The following COL25A1 variants were observed in gnomAD, a reference collection of about 807,000 sequenced individuals.
COL25A1 encodes collagen alpha-1(XXV) chain.
COL25A1 carries 103 observed loss-of-function variants against 128.4 expected under a neutral mutation model. That is an observed-to-expected ratio of 0.80 (90% CI 0.68 to 0.94). COL25A1 has a LOEUF of 0.94. Among genes scored for constraint, COL25A1 ranks in the 40% least tolerant of loss-of-function variants. The probability of loss-of-function intolerance (pLI) is 0.00; values close to 1 mark genes in which losing one functional copy is unlikely to be tolerated. For synonymous variants in COL25A1, 279 were observed against 277.2 expected (o/e 1.01, Z -0.06); for missense variants, 745 against 840.0 (o/e 0.89, Z 1.40).
chr4:108,922,502 C>T (rs944113969), intron 11 of COL25A1, among the ~76,000 whole-genome samples: 10 of 151,918 alleles, frequency 6.6e-5, no homozygotes, highest in Admixed American at 2.6e-4. Context: ...TTTCATCACA[C>T]GGATATATAA....
At chr4:109,073,188 G>C (rs1763120083) in intron 3 of COL25A1, among the ~76,000 whole-genome samples, 1 of 152,164 alleles carries the variant, frequency 6.6e-6, no homozygotes, top group Admixed American at 6.5e-5. Context: ...TGGTTGTCAG[G>C]AGGGGAGGCA....
At chr4:109,200,963 T>C (rs1368238554) in intron 3 of COL25A1, among the ~76,000 whole-genome samples, 3 of 152,204 alleles carry the variant, frequency 2.0e-5, no homozygotes, top group Non-Finnish European at 4.4e-5. Context: ...GGTTACTTGA[T>C]ATATATATCT....
chr4:109,302,115 TC>T, intron 1 of COL25A1, 40 bp from the exon 2 acceptor site: 1 of 1,411,984 alleles, frequency 7.1e-7, no homozygotes, highest in Non-Finnish European at 9.3e-7. Flanking sequence ...CAAAGTTCAG[TC>T]CCTGTGGCTG....
intron 18 of COL25A1, among the ~76,000 whole-genome samples, chr4:108,886,492 G>GTGTGTGTGTGTGTGTGTGTGTTTT (rs58157157): frequency 9.2e-6 from 1 of 109,248 alleles, no homozygotes; most frequent in East Asian, 2.5e-4. Flanking sequence ...GTGTGTGTGT[G>GTGTGTGTGTGTGTGTGTGTGTTTT]TTTAGCTCAT....
chr4:109,290,229 A>C (rs1352232242), intron 3 of COL25A1, among the ~76,000 whole-genome samples: 1 of 152,128 alleles, frequency 6.6e-6, no homozygotes, highest in Non-Finnish European at 1.5e-5. Context: ...TCTCCATTCA[A>C]GGGCATTTTT....
intron 19 of COL25A1, among the ~76,000 whole-genome samples, chr4:108,880,850 G>C (rs1026728758): frequency 1.3e-5 from 2 of 152,174 alleles, no homozygotes; most frequent in Non-Finnish European, 2.9e-5. Flanking sequence ...TAAGTGTAGA[G>C]AGCAAAGCCT....
At chr4:109,196,024 G>A (rs892840915) in intron 3 of COL25A1, among the ~76,000 whole-genome samples, 3 of 152,302 alleles carry the variant, frequency 2.0e-5, no homozygotes, top group South Asian at 4.1e-4. Context: ...CAACAGAAGC[G>A]AAGAAGGTAA....
chr4:108,855,192 T>TTTTG (rs1553951514), intron 24 of COL25A1, among the ~76,000 whole-genome samples: 4,799 of 16,438 alleles, frequency 0.29, 273 homozygotes, highest in African/African-American at 0.41. Context: ...GTTGTTACTG[T>TTTTG]TTTTTTTTTT....
chr4:109,083,456 T>TAA lies in COL25A1; in HGVS notation c.368-33278_368-33277insTT, dbSNP rs1167231589. ...ACTTTTACACTAAATAAATTTTTTT[T>TAA]TTTTTTTTTTTTTTTTTTTTTTTTG... On this transcript the variant is annotated intron_variant, in intron 3 of 37. Coordinates refer to ENST00000399132, the MANE Select transcript of COL25A1 (RefSeq NM_198721.4). Among the ~76,000 whole-genome samples, 11 of 118,520 alleles carry TAA rather than the reference T, an allele frequency of 9.3e-5. 1 individual carries two copies. Among genetic ancestry groups the TAA allele is most frequent in the East Asian group, 7.2e-4 (2 of 2,792 alleles). 77.8% of individuals were successfully genotyped at this position (118,520 alleles called of 152,430 possible). A position where few individuals can be genotyped will look rare whatever the true frequency, so the allele number is the denominator to read the frequency against.
intron 6 of COL25A1, among the ~76,000 whole-genome samples, chr4:109,006,319 C>G (rs1404306296): frequency 1.3e-5 from 2 of 149,890 alleles, no homozygotes; most frequent in Non-Finnish European, 2.9e-5. Flanking sequence ...TCAAGCGGTT[C>G]TCCTGCCTCA....
intron 3 of COL25A1, among the ~76,000 whole-genome samples, chr4:109,267,440 G>A (rs1781868057): frequency 6.6e-6 from 1 of 151,940 alleles, no homozygotes; most frequent in African/African-American, 2.4e-5. Flanking sequence ...ATCTAAAAAA[G>A]AAAAACAAAC....
intron 8 of COL25A1, among the ~76,000 whole-genome samples, chr4:108,972,140 G>A (rs1328281607): frequency 6.6e-6 from 1 of 152,092 alleles, no homozygotes; most frequent in Admixed American, 6.6e-5. Flanking sequence ...CTGACAAAGA[G>A]CTGACATGAT....
Position 109,243,885 on chromosome 4 carries a change from T to C in COL25A1, c.367+56698A>G, listed in dbSNP as rs748489423. Among the ~76,000 whole-genome samples the C allele has an allele frequency of 2.6e-5, 4 of 152,092 alleles. No homozygotes were observed. In the East Asian group the frequency reaches 5.8e-4, roughly 22 times the overall value. On this transcript the variant is annotated intron_variant, in intron 3 of 37. Coordinates refer to ENST00000399132, the MANE Select transcript of COL25A1 (RefSeq NM_198721.4). The stretch of plus-strand genomic sequence containing the variant: ...CCCTTCTATACCTATAAAATCTATG[T>C]TTTTTGAGTGAGTTTCTCTTGCATC...
At chr4:109,093,825 A>C (rs1765165981) in intron 3 of COL25A1, among the ~76,000 whole-genome samples, 1 of 152,192 alleles carries the variant, frequency 6.6e-6, no homozygotes, top group African/African-American at 2.4e-5. Flanking sequence ...TTTGGATGAC[A>C]ACATTTTGTT....
At chr4:108,834,419 G>A (rs1353503474) in intron 31 of COL25A1, 34 of 1,549,526 alleles carry the variant, frequency 2.2e-5, no homozygotes, top group Non-Finnish European at 2.8e-5. Context: ...AGCAGGGTTG[G>A]TGGGTGTAAC....
At chr4:109,271,399 A>G (rs904332322) in intron 3 of COL25A1, among the ~76,000 whole-genome samples, 2 of 152,214 alleles carry the variant, frequency 1.3e-5, no homozygotes, top group African/African-American at 4.8e-5. Context: ...TTGACCTTAA[A>G]TAAGCAGCTA....
intron 3 of COL25A1, among the ~76,000 whole-genome samples, chr4:109,232,072 G>A (rs553218582): frequency 7.2e-5 from 11 of 152,086 alleles, no homozygotes; most frequent in Non-Finnish European, 1.5e-4. Context: ...TATGACTGTC[G>A]TTGATTTCAG....
intron 3 of COL25A1, among the ~76,000 whole-genome samples, chr4:109,088,195 T>C (rs186523753): frequency 6.6e-6 from 1 of 152,246 alleles, no homozygotes; most frequent in Non-Finnish European, 1.5e-5. Flanking sequence ...AGAAAGTTGA[T>C]ACAGTTTAGA....
chr4:109,155,003 A>G (rs1229731811), intron 3 of COL25A1, among the ~76,000 whole-genome samples: 1 of 152,086 alleles, frequency 6.6e-6, no homozygotes, highest in Non-Finnish European at 1.5e-5. Context: ...CCTCCCATAT[A>G]TTTGGATCTT....
Sources: allele counts gnomAD v4.1 joint callset (sites outside exome capture counted in the v4.1 genomes callset), GRCh38; gene constraint gnomAD v4.1.1; transcripts MANE v1.5; gene names NCBI Gene and HGNC (gene_info 2026-07-23, HGNC 2026-07-21).